Variants in TMEM117 observed in about 807,000 individuals in gnomAD.
The protein encoded by TMEM117 is transmembrane protein 117.
In TMEM117, 27 loss-of-function variants were observed where a neutral mutation model predicts 52.4. That is an observed-to-expected ratio of 0.51 (90% CI 0.38 to 0.71). The LOEUF is 0.71. Ranked by LOEUF, TMEM117 falls within the 30% of genes least tolerant of loss-of-function variation. The pLI is 0.00. For missense variants in TMEM117, 556 were observed against 630.5 expected (o/e 0.88, Z 1.26); for synonymous variants, 215 against 206.3 (o/e 1.04, Z -0.36).
At chr12:44,051,888 T>A (rs531255825) in intron 3 of TMEM117, among the ~76,000 whole-genome samples, 1 of 152,336 alleles carries the variant, frequency 6.6e-6, no homozygotes, top group East Asian at 1.9e-4. Flanking sequence ...AATACGATTT[T>A]AAAAACCTGT....
At chr12:44,361,569 T>C (rs1951720918) in intron 6 of TMEM117, among the ~76,000 whole-genome samples, 1 of 152,172 alleles carries the variant, frequency 6.6e-6, no homozygotes. Context: ...TTATTAAATA[T>C]TGGTGAATAA....
At chr12:44,008,556 A>G (rs918884286) in intron 3 of TMEM117, 3 of 180,032 alleles carry the variant, frequency 1.7e-5, no homozygotes, top group African/African-American at 7.2e-5. Flanking sequence ...GATTGCTATC[A>G]TCGAGTGCCT....
intron 3 of TMEM117, among the ~76,000 whole-genome samples, chr12:44,017,152 G>A (rs1439753320): frequency 6.6e-6 from 1 of 151,968 alleles, no homozygotes; most frequent in East Asian, 1.9e-4. Flanking sequence ...GCATCAATCT[G>A]ATCTGCTCAT....
At chr12:43,994,050 T>C (rs1945989141) in intron 3 of TMEM117, among the ~76,000 whole-genome samples, 1 of 152,188 alleles carries the variant, frequency 6.6e-6, no homozygotes, top group Non-Finnish European at 1.5e-5. Flanking sequence ...AATGGAGATG[T>C]TAATGTAGAA....
chr12:43,872,080 T>C (rs1181847230), intron 2 of TMEM117, among the ~76,000 whole-genome samples: 3 of 152,160 alleles, frequency 2.0e-5, no homozygotes, highest in Non-Finnish European at 4.4e-5. Context: ...TACTTTTTAA[T>C]TTGTAGAGAT....
chr12:44,039,950 A>AT (rs1302928376), intron 3 of TMEM117, among the ~76,000 whole-genome samples: 1 of 152,146 alleles, frequency 6.6e-6, no homozygotes, highest in Non-Finnish European at 1.5e-5. Context: ...ATTTTTTTCC[A>AT]TAAAGGTCTT....
intron 3 of TMEM117, among the ~76,000 whole-genome samples, chr12:43,996,045 A>G (rs1286866683): frequency 6.6e-6 from 1 of 152,180 alleles, no homozygotes; most frequent in Non-Finnish European, 1.5e-5. Flanking sequence ...CCTGAAACAA[A>G]TATAGGTAAT....
At chr12:44,211,477 T>A in intron 5 of TMEM117, 90 bp downstream of exon 5, 1 of 876,780 alleles carries the variant, frequency 1.1e-6, no homozygotes, top group Non-Finnish European at 1.8e-6. Flanking sequence ...ATTATAGAAT[T>A]CTATCTAGAG....
chr12:43,799,783 G>A, the TMEM117 span, among the ~76,000 whole-genome samples: 3 of 152,038 alleles, frequency 2.0e-5, no homozygotes, highest in Non-Finnish European at 4.4e-5. Flanking sequence ...TGGTCATCCT[G>A]TAAGTCTATA....
intron 2 of TMEM117, among the ~76,000 whole-genome samples, chr12:43,877,153 G>A (rs1418034456): frequency 6.6e-6 from 1 of 152,060 alleles, no homozygotes; most frequent in Non-Finnish European, 1.5e-5. Context: ...ATGCTCATTT[G>A]CACAATATAT....
At chr12:44,121,731 G>T (rs1295474594) in intron 3 of TMEM117, among the ~76,000 whole-genome samples, 2 of 152,094 alleles carry the variant, frequency 1.3e-5, no homozygotes, top group East Asian at 3.9e-4. Flanking sequence ...AGGTTCAGGG[G>T]ATACATGTGC....
intron 4 of TMEM117, among the ~76,000 whole-genome samples, chr12:44,177,201 A>G (rs962348959): frequency 2.0e-5 from 3 of 152,212 alleles, no homozygotes; most frequent in Non-Finnish European, 4.4e-5. Flanking sequence ...AGATATTTCT[A>G]ACATTTTTGG....
chr12:43,954,535 T>C (rs866647457), intron 3 of TMEM117, among the ~76,000 whole-genome samples: 1 of 152,104 alleles, frequency 6.6e-6, no homozygotes, highest in Non-Finnish European at 1.5e-5. Flanking sequence ...GCACATAAAC[T>C]GGAAAATCTA....
At chr12:43,980,397 CCTT>C (rs144715572) in intron 3 of TMEM117, among the ~76,000 whole-genome samples, 6,145 of 152,180 alleles carry the variant, frequency 0.04, 263 homozygotes, top group African/African-American at 0.11. Flanking sequence ...ATCTAGCGTA[CCTT>C]CTTCTAGGAA....
chr12:43,935,764 G>T (rs755064306), intron 2 of TMEM117, among the ~76,000 whole-genome samples: 9 of 152,280 alleles, frequency 5.9e-5, no homozygotes, highest in Non-Finnish European at 1.0e-4. Flanking sequence ...CATCCCATAA[G>T]CTCTTTCTAT....
At position 43,906,356 on chromosome 12, in the gene TMEM117, G is replaced by T. The variant is rs1014613141; in HGVS notation, c.278-37854G>T. Among the ~76,000 whole-genome samples, 3 of 152,030 alleles carry T rather than the reference G, an allele frequency of 2.0e-5. No homozygotes were observed. The East Asian group carries it at 5.8e-4, about 29-fold the overall frequency. On this transcript the variant is annotated intron_variant, in intron 2 of 7. Coordinates refer to ENST00000266534, the MANE Select transcript of TMEM117 (RefSeq NM_032256.3). ...TGCATGCCTGTAATCCCAGCTACTC[G>T]GGAGGCTGAGGCAGGAGGATCACTT...
At chr12:43,853,766 G>A (rs537876048) in intron 2 of TMEM117, among the ~76,000 whole-genome samples, 1 of 152,342 alleles carries the variant, frequency 6.6e-6, no homozygotes, top group African/African-American at 2.4e-5. Flanking sequence ...TATGGACTGT[G>A]AGTGCTGTGA....
chr12:44,236,396 T>G (rs1416282372), intron 5 of TMEM117, among the ~76,000 whole-genome samples: 1 of 152,122 alleles, frequency 6.6e-6, no homozygotes, highest in Non-Finnish European at 1.5e-5. Context: ...TTTTCTTCTC[T>G]TAAACCTGTT....
intron 2 of TMEM117, among the ~76,000 whole-genome samples, chr12:43,928,640 A>G (rs574043761): frequency 2.2e-4 from 34 of 151,632 alleles, no homozygotes; most frequent in Non-Finnish European, 2.2e-4. Flanking sequence ...CATGTGCACA[A>G]TGCGCAGGTT....
Sources: allele counts gnomAD v4.1 joint callset (sites outside exome capture counted in the v4.1 genomes callset), GRCh38; gene constraint gnomAD v4.1.1; transcripts MANE v1.5; gene names NCBI Gene and HGNC (gene_info 2026-07-23, HGNC 2026-07-21).